Variants in MYOF observed in about 807,000 individuals in gnomAD.
The protein encoded by MYOF is fer-1-like 3, myoferlin.
MYOF carries 244 observed loss-of-function variants against 284.2 expected under a neutral mutation model. The ratio of observed to expected loss-of-function variants is 0.86; its 90% confidence interval spans 0.77 to 0.95. The LOEUF is 0.95. Ranked by LOEUF, MYOF falls within the 40% of genes least tolerant of loss-of-function variation. The probability of loss-of-function intolerance (pLI) is 0.00; values close to 1 mark genes in which losing one functional copy is unlikely to be tolerated. For missense variants in MYOF, 2,496 were observed against 2,560.6 expected, an observed-to-expected ratio of 0.97 and a Z score of 0.54; for synonymous variants, 904 against 919.7, an observed-to-expected ratio of 0.98 and a Z score of 0.31.
intron 30 of MYOF, among the ~76,000 whole-genome samples, chr10:93,356,313 T>C (rs902294250): frequency 1.3e-5 from 2 of 152,238 alleles, no homozygotes; most frequent in African/African-American, 4.8e-5. Flanking sequence ...TTTATGAATA[T>C]ACATATGAAT....
At chr10:93,325,190 G>A (rs940595159) in intron 46 of MYOF, among the ~76,000 whole-genome samples, 6 of 152,180 alleles carry the variant, frequency 3.9e-5, no homozygotes, top group African/African-American at 1.4e-4. Flanking sequence ...ACATGGCCTG[G>A]ACATCTTCAT....
Position 93,472,696 on chromosome 10 carries a change from G to A in MYOF, c.88+9411C>T, listed in dbSNP as rs556500077. Among the ~76,000 whole-genome samples the A allele has an allele frequency of 2.0e-5, 3 of 152,240 alleles. No homozygotes were observed. In the South Asian group the frequency reaches 6.2e-4, roughly 32 times the overall value. ...ACTGTACACTTAAAATAGTTAAGAT[G>A]GTAAATCTTACGTTATATGTGTTTT... is the stretch of plus-strand genomic sequence containing the variant. On this transcript the variant is annotated intron_variant, in intron 1 of 53. Coordinates refer to ENST00000359263, the MANE Select transcript of MYOF (RefSeq NM_013451.4).
Position 93,340,168 on chromosome 10 carries a change from C to T in MYOF, c.4327-4G>A, listed in dbSNP as rs1194763224. On this transcript the variant is annotated splice_polypyrimidine_tract_variant and splice_region_variant and intron_variant, in intron 38 of 53. Coordinates refer to ENST00000359263, the MANE Select transcript of MYOF (RefSeq NM_013451.4). ...CCATAGTTACCTTTTCTGTCAGCTG[C>T]TCGTGCACATGTCCCGTGAGGAAGA... is the stretch of plus-strand genomic sequence containing the variant. The T allele has an allele frequency of 6.2e-7, 1 of 1,614,004 alleles. No individual in the cohort carries two copies. Among genetic ancestry groups the T allele is most frequent in the Non-Finnish European group, 8.5e-7 (1 of 1,179,938 alleles).
intron 29 of MYOF, among the ~76,000 whole-genome samples, chr10:93,357,105 C>A (rs542248151): frequency 2.0e-5 from 3 of 152,192 alleles, no homozygotes; most frequent in Non-Finnish European, 4.4e-5. Flanking sequence ...TCAGGAGGTG[C>A]ACCTCATTCA....
chr10:93,310,499 G>A (rs2133704066), intron 52 of MYOF, 35 bp downstream of exon 52: 1 of 1,599,270 alleles, frequency 6.3e-7, no homozygotes, highest in East Asian at 2.2e-5. Flanking sequence ...GCCTGCAGGT[G>A]TTTGGGGAGT....
intron 50 of MYOF, among the ~76,000 whole-genome samples, chr10:93,313,776 C>T (rs1292091623): frequency 6.6e-6 from 1 of 152,098 alleles, no homozygotes; most frequent in African/African-American, 2.4e-5. Context: ...TGGCACACAT[C>T]CGTAATCCCA....
Position 93,349,973 on chromosome 10 carries a change from T to C in MYOF, c.3922-4A>G, listed in dbSNP as rs373878850. Reference sequence around the variant, plus strand: ...TTCTTAAGCCCCAAGCTAGAATCTATGAAAACGATTTAAAGAGAGGGGAAG... The same window carrying C: ...TTCTTAAGCCCCAAGCTAGAATCTACGAAAACGATTTAAAGAGAGGGGAAG... On this transcript the variant is annotated splice_region_variant and splice_polypyrimidine_tract_variant and intron_variant, in intron 35 of 53. Transcript: ENST00000359263. 3.7e-6 allele frequency: 6 copies of C among 1,612,826 alleles called. No individual in the cohort carries two copies. The highest frequency in any genetic ancestry group is 5.1e-6 in the Non-Finnish European group (6 of 1,179,542).
In MYOF at chr10:93,393,419, C is replaced by T. The variant is rs12570996; in HGVS notation, c.1418-464G>A. Reference sequence around the variant, plus strand: ...GTTTGTTTCTTTGTCGGGGGGAGGGCGATGTTGACAGCTCGTTGTTATTTT... The same window carrying T: ...GTTTGTTTCTTTGTCGGGGGGAGGGTGATGTTGACAGCTCGTTGTTATTTT... On this transcript the variant is annotated intron_variant, in intron 16 of 53. Coordinates refer to ENST00000359263, the MANE Select transcript of MYOF (RefSeq NM_013451.4). 6.8e-4 allele frequency among the ~76,000 whole-genome samples: 104 copies of T among 152,062 alleles called. 3 individuals are homozygous for T. The East Asian group carries it at 0.015, about 23-fold the overall frequency.
At chr10:93,376,613 G>A (rs1483093925) in intron 22 of MYOF, among the ~76,000 whole-genome samples, 1 of 152,126 alleles carries the variant, frequency 6.6e-6, no homozygotes, top group Admixed American at 6.5e-5. Flanking sequence ...CCCAGTGTGG[G>A]GAATAAAGGC....
rs71031511 is a variant in MYOF at position 93,465,538 on chromosome 10, C to CTTTTTTTTT, written c.89-8610_89-8602dup. The stretch of plus-strand genomic sequence containing the variant: ...CTTTTTTCTTTCTTTTTTTTCTTTT[C>CTTTTTTTTT]TTTTTTTTTTTTTTTGAGATGACTG... On this transcript the variant is annotated intron_variant, in intron 1 of 53. Transcript: ENST00000359263. Among the ~76,000 whole-genome samples, 328 of 112,132 alleles carry CTTTTTTTTT rather than the reference C, an allele frequency of 2.9e-3. 22 individuals are homozygous for CTTTTTTTTT. The highest frequency in any genetic ancestry group is 8.6e-3 in the African/African-American group (257 of 29,960). 73.6% of individuals were successfully genotyped at this position (112,132 alleles called of 152,430 possible).
At chr10:93,341,014 T>C (rs1012065193) in intron 38 of MYOF, among the ~76,000 whole-genome samples, 2 of 152,174 alleles carry the variant, frequency 1.3e-5, no homozygotes, top group Admixed American at 1.3e-4. Context: ...TGCCCCTTGG[T>C]ATTTTCCAGA....
At chr10:93,319,419 C>T (rs1255306508) in intron 49 of MYOF, among the ~76,000 whole-genome samples, 1 of 152,118 alleles carries the variant, frequency 6.6e-6, no homozygotes, top group Non-Finnish European at 1.5e-5. Context: ...CTAGTTAAGA[C>T]CAGGAGGGCC....
In MYOF at chr10:93,306,559, G is replaced by A. The variant is rs1409629929; in HGVS notation, c.*404C>T. The A allele has an allele frequency of 5.5e-6, 1 of 180,772 alleles. No homozygotes were observed. Among genetic ancestry groups the A allele is most frequent in the Non-Finnish European group, 1.1e-5 (1 of 87,768 alleles). The allele number at this position is 180,772 out of a possible 1,614,324, so 11.2% of individuals were successfully genotyped here. On this transcript the variant is annotated 3_prime_UTR_variant, in exon 54 of 54. Transcript: ENST00000359263. The stretch of plus-strand genomic sequence containing the variant: ...TAACTATTCTAACTGATTTTATAAT[G>A]CACAGCTCTTTCAGTTGATTACAAA...
rs1843594160 is a variant in MYOF at position 93,336,087 on chromosome 10, C to A, written c.4438-41G>T. The A allele has an allele frequency of 3.1e-6, 5 of 1,598,934 alleles. No homozygotes were observed. The African/African-American group carries it at 5.4e-5, about 17-fold the overall frequency. On this transcript the variant is annotated intron_variant, in intron 40 of 53. Transcript: ENST00000359263. ...AGAGTCTTAATTTCTCATTAAAATG[C>A]AGGTAAGGTCTAAAATCAAAAGGGC...
intron 5 of MYOF, chr10:93,425,761 T>C (rs781191435): frequency 5.2e-6 from 2 of 387,692 alleles, no homozygotes; most frequent in Non-Finnish European, 9.6e-6. Context: ...AGACACTGTA[T>C]GGGGTGGAAG....
At chr10:93,377,542 CAAAT>C (rs1845891696) in intron 21 of MYOF, 113 bp from the exon 22 acceptor site, 1 of 778,192 alleles carries the variant, frequency 1.3e-6, no homozygotes, top group Non-Finnish European at 2.1e-6. Context: ...ATTCAAAAAA[CAAAT>C]AAAATGAAAC....
chr10:93,341,955 C>T, intron 38 of MYOF: 1 of 1,289,818 alleles, frequency 7.8e-7, no homozygotes, highest in South Asian at 1.2e-5. Context: ...GTGCTGTTGA[C>T]ATACTGCTTA....
chr10:93,452,017 C>G (rs1364597525), intron 3 of MYOF, 33 bp downstream of exon 3: 6 of 1,470,564 alleles, frequency 4.1e-6, no homozygotes, highest in Non-Finnish European at 4.7e-6. Context: ...ATAGTAATAC[C>G]TAAAATGAGA....
At chr10:93,312,355 A>C (rs12783199) in intron 51 of MYOF, among the ~76,000 whole-genome samples, 1 of 129,078 alleles carries the variant, frequency 7.7e-6, no homozygotes, top group African/African-American at 2.9e-5. Flanking sequence ...TTTCTTTTTT[A>C]TTTTTTTTGA....
Sources: gnomAD v4.1 joint callset for allele counts (sites outside exome capture counted in the v4.1 genomes callset) on GRCh38, gnomAD v4.1.1 for gene constraint, MANE v1.5 for transcripts, NCBI Gene and HGNC (gene_info 2026-07-23, HGNC 2026-07-21) for gene names.